Variants in NETO1 observed in about 807,000 individuals in gnomAD.
NETO1 encodes the protein neuropilin and tolloid like 1.
NETO1 carries 26 observed loss-of-function variants against 61.3 expected under a neutral mutation model. The ratio of observed to expected loss-of-function variants is 0.42; its 90% CI spans 0.31 to 0.59. The LOEUF is 0.59. Among genes scored for constraint, NETO1 ranks in the 20% least tolerant of loss-of-function variants. The pLI is 0.12. For synonymous variants in NETO1, 225 were observed against 225.8 expected (o/e 1.00, Z 0.03); for missense variants, 531 against 662.8 (o/e 0.80, Z 2.18).
At chr18:72,779,083 TGTA>T (rs1352289508) in intron 7 of NETO1, among the ~76,000 whole-genome samples, 2 of 152,204 alleles carry the variant, frequency 1.3e-5, no homozygotes, top group African/African-American at 4.8e-5. Flanking sequence ...TTCATAAATG[TGTA>T]GGCACCAGGA....
chr18:72,856,961 C>T (rs1488225615), intron 4 of NETO1, among the ~76,000 whole-genome samples: 1 of 152,260 alleles, frequency 6.6e-6, no homozygotes, highest in African/African-American at 2.4e-5. Flanking sequence ...TTACTAATCC[C>T]TTCCCACTTC....
chr18:72,746,920 A>C lies in NETO1; in HGVS notation c.*1259T>G, dbSNP rs1287103341. On this transcript the variant is annotated 3_prime_UTR_variant, in exon 11 of 11. Transcript: ENST00000327305. ...TATTTTAGGATTTTACTTTATGTTA[A>C]ACACATCATAATCACTAAGCTTTCA... Among the ~76,000 whole-genome samples, 6 of 152,070 alleles carry C rather than the reference A, an allele frequency of 3.9e-5. No individual in the cohort carries two copies. Among genetic ancestry groups the C allele is most frequent in the Non-Finnish European group, 7.4e-5 (5 of 67,932 alleles).
At chr18:72,850,155 T>C (rs1434993135) in intron 4 of NETO1, among the ~76,000 whole-genome samples, 1 of 152,234 alleles carries the variant, frequency 6.6e-6, no homozygotes, top group Non-Finnish European at 1.5e-5. Context: ...GAGGGTATAT[T>C]ATCTGGCTAC....
intron 4 of NETO1, among the ~76,000 whole-genome samples, chr18:72,850,401 G>C (rs2074213676): frequency 6.6e-6 from 1 of 152,086 alleles, no homozygotes; most frequent in South Asian, 2.1e-4. Context: ...AAATATAATA[G>C]GAAAAATGTT....
intron 7 of NETO1, among the ~76,000 whole-genome samples, chr18:72,768,765 G>T (rs541886025): frequency 1.1e-4 from 16 of 152,214 alleles, no homozygotes; most frequent in Admixed American, 9.2e-4. Context: ...CTCTAGAAAC[G>T]GGAAAAGGAA....
At chr18:72,784,376 T>A (rs1443543888) in intron 6 of NETO1, among the ~76,000 whole-genome samples, 1 of 152,222 alleles carries the variant, frequency 6.6e-6, no homozygotes, top group East Asian at 1.9e-4. Flanking sequence ...CTGATTTGTT[T>A]AATCAAATTA....
intron 6 of NETO1, among the ~76,000 whole-genome samples, chr18:72,787,326 C>G (rs1427460455): frequency 2.0e-5 from 3 of 151,534 alleles, no homozygotes; most frequent in African/African-American, 7.3e-5. Flanking sequence ...GCGTTCCACT[C>G]CTTTGAAGTG....
intron 7 of NETO1, among the ~76,000 whole-genome samples, chr18:72,771,340 A>G (rs1229398722): frequency 1.3e-5 from 2 of 152,204 alleles, no homozygotes; most frequent in African/African-American, 2.4e-5. Context: ...GGCTTCTTAG[A>G]GTACAACCTT....
intron 4 of NETO1, among the ~76,000 whole-genome samples, chr18:72,803,923 A>T (rs1010222201): frequency 1.2e-4 from 19 of 152,142 alleles, no homozygotes; most frequent in Non-Finnish European, 1.6e-4. Context: ...AACACATCAT[A>T]ACAGATTTAA....
intron 7 of NETO1, among the ~76,000 whole-genome samples, chr18:72,757,409 A>C (rs920806995): frequency 1.3e-5 from 2 of 151,394 alleles, no homozygotes; most frequent in African/African-American, 2.4e-5. Context: ...TTAAAAAAAA[A>C]CACTCAAATT....
chr18:72,774,507 T>C (rs1179946647), intron 7 of NETO1, among the ~76,000 whole-genome samples: 1 of 152,154 alleles, frequency 6.6e-6, no homozygotes, highest in Admixed American at 6.6e-5. Flanking sequence ...GATGCCAAAG[T>C]ATAAAGCTAT....
chr18:72,792,116 T>C (rs2072140066), intron 6 of NETO1, among the ~76,000 whole-genome samples: 1 of 151,972 alleles, frequency 6.6e-6, no homozygotes, highest in Non-Finnish European at 1.5e-5. Context: ...AAAAGTCAAG[T>C]GAAGAAAGAC....
chr18:72,783,148 T>C (rs2071799449), intron 7 of NETO1, among the ~76,000 whole-genome samples: 1 of 152,250 alleles, frequency 6.6e-6, no homozygotes, highest in Non-Finnish European at 1.5e-5. Flanking sequence ...CCCTTGACTC[T>C]GGATATCACC....
chr18:72,827,086 C>T (rs946329703), intron 4 of NETO1, among the ~76,000 whole-genome samples: 3 of 68,478 alleles, frequency 4.4e-5, no homozygotes, highest in African/African-American at 1.6e-4. Flanking sequence ...ATATTCAATG[C>T]TTTCTTTTTT....
chr18:72,849,405 T>C (rs1057089730), intron 4 of NETO1, among the ~76,000 whole-genome samples: 4 of 152,168 alleles, frequency 2.6e-5, no homozygotes, highest in African/African-American at 9.7e-5. Flanking sequence ...TTGATGAAGA[T>C]TTAGGTATTC....
rs1245905266 is a variant in NETO1 at position 72,794,314 on chromosome 18, A to G, written c.511+49T>C. ...ATAATAAACCAAAAGTGTATTTCAT[A>G]GCAGAAAACAAAGTCTTCTGAACAG... On this transcript the variant is annotated intron_variant, in intron 5 of 10. Transcript: ENST00000327305. The G allele has an allele frequency of 2.5e-6, 4 of 1,613,590 alleles. No individual in the cohort carries two copies. In the South Asian group the frequency reaches 3.3e-5, roughly 13 times the overall value.
At chr18:72,772,025 T>C (rs1335690717) in intron 7 of NETO1, among the ~76,000 whole-genome samples, 10 of 152,132 alleles carry the variant, frequency 6.6e-5, no homozygotes, top group Admixed American at 5.9e-4. Context: ...AGGCCTCTTC[T>C]AAGTTTGTTC....
intron 6 of NETO1, among the ~76,000 whole-genome samples, 172 bp from the exon 7 acceptor site, chr18:72,784,078 AT>A (rs149525512): frequency 0.024 from 3,625 of 152,022 alleles, 143 homozygotes; most frequent in African/African-American, 0.083. Context: ...TGTGTTTAAT[AT>A]TTTTTTTCAA....
At position 72,783,011 on chromosome 18, in the gene NETO1, T is replaced by A. The variant is rs950989086; in HGVS notation, c.868+667A>T. Among the ~76,000 whole-genome samples, 42 of 152,316 alleles carry A rather than the reference T, an allele frequency of 2.8e-4. 1 individual carries two copies. The highest frequency in any genetic ancestry group is 1.4e-3 in the Admixed American group (22 of 15,292). On this transcript the variant is annotated intron_variant, in intron 7 of 10. Coordinates refer to ENST00000327305, the MANE Select transcript of NETO1 (RefSeq NM_138966.5). Reference sequence around the variant, plus strand: ...TACTTATTTCTTAAATTTCTCAGAATCCTTTTTCACTTGCATAAATTTGTA... The same window carrying A: ...TACTTATTTCTTAAATTTCTCAGAAACCTTTTTCACTTGCATAAATTTGTA...
Sources: allele counts gnomAD v4.1 joint callset (sites outside exome capture counted in the v4.1 genomes callset), GRCh38; gene constraint gnomAD v4.1.1; transcripts MANE v1.5; gene names NCBI Gene and HGNC (gene_info 2026-07-23, HGNC 2026-07-21).